HERC2: variants seen among roughly 807,000 people sequenced by gnomAD.
The protein encoded by HERC2 is E3 ubiquitin-protein ligase HERC2.
HERC2 carries 102 observed loss-of-function variants against 537.7 expected under a neutral mutation model. The observed-to-expected ratio is 0.19, with a 90% CI of 0.16 to 0.22. The LOEUF (loss-of-function observed/expected upper bound fraction) is 0.22. Ranked by LOEUF, HERC2 falls within the 10% of genes least tolerant of loss-of-function variation. HERC2 has a pLI of 1.00. For synonymous variants in HERC2, 2,224 were observed against 2,466.2 expected (o/e 0.90, Z 2.91); for missense variants, 4,236 against 6,198.2 (o/e 0.68, Z 10.63).
chr15:28,124,091 G>A lies in HERC2; in HGVS notation c.13134C>T (p.Leu4378=), dbSNP rs562699983. 22 of 1,608,854 alleles carry A rather than the reference G, an allele frequency of 1.4e-5. No homozygotes were observed. Among genetic ancestry groups the A allele is most frequent in the African/African-American group, 5.3e-5 (4 of 74,796 alleles). The change falls in exon 85 of 93, where the codon CTC becomes CTT. Residue 4378 remains leucine (L), a synonymous_variant. Transcript: ENST00000261609. ...DLEGSLDETG[L]GPSVGFDTLR... ...GAGTGTCGAACCCAACAGAAGGCCCGAGTCCAGTTTCGTCGAGCGAGCCTT... is the reference window on the plus strand; with the variant it reads ...GAGTGTCGAACCCAACAGAAGGCCCAAGTCCAGTTTCGTCGAGCGAGCCTT...
chr15:28,128,738 T>G (rs578127101), intron 83 of HERC2, among the ~76,000 whole-genome samples: 1 of 152,346 alleles, frequency 6.6e-6, no homozygotes, highest in African/African-American at 2.4e-5. Flanking sequence ...CCTTTCGCTC[T>G]GCAGGTGAGA....
In HERC2 at chr15:28,113,395, T is replaced by G. The variant is rs1482907921; in HGVS notation, c.14020-112A>C. ...GGCCTGTTTGGGGTGGGGAAAGGTC[T>G]GGGGGCTCTGGGTGGGCCCACACAC... On this transcript the variant is annotated intron_variant, in intron 91 of 92. Transcript: ENST00000261609. The surrounding 1 kb of genome is among the most constrained non-coding windows in gnomAD (Gnocchi z 7.0). The G allele has an allele frequency of 2.9e-5, 36 of 1,231,036 alleles. No homozygotes were observed. In the Admixed American group the frequency reaches 7.1e-4, roughly 24 times the overall value. The allele number at this position is 1,231,036 out of a possible 1,614,324, so 76.3% of individuals were successfully genotyped here.
At chr15:28,296,404 C>A (rs1260603160) in intron 3 of HERC2, among the ~76,000 whole-genome samples, 1 of 152,038 alleles carries the variant, frequency 6.6e-6, no homozygotes, top group Non-Finnish European at 1.5e-5. Flanking sequence ...ACCGGGGAGG[C>A]AGTGGTTGCA....
chr15:28,124,960 A>G (rs572595931), intron 84 of HERC2, 46 bp downstream of exon 84: 9 of 1,542,438 alleles, frequency 5.8e-6, no homozygotes, highest in African/African-American at 5.4e-5. Context: ...ATGTGACAGG[A>G]GCACACTTTG....
intron 83 of HERC2, among the ~76,000 whole-genome samples, chr15:28,125,744 G>A (rs577308589): frequency 5.8e-4 from 88 of 151,966 alleles, no homozygotes; most frequent in African/African-American, 8.7e-4. Flanking sequence ...GCATGATCAC[G>A]GTTCACTGCA....
At chr15:28,116,229 T>A (rs897147922) in intron 88 of HERC2, among the ~76,000 whole-genome samples, 1 of 150,688 alleles carries the variant, frequency 6.6e-6, no homozygotes. Flanking sequence ...TTTCTTTTTT[T>A]TTTTTTTTTT....
chr15:28,170,180 T>C (rs1182749595), intron 65 of HERC2, among the ~76,000 whole-genome samples: 1 of 152,198 alleles, frequency 6.6e-6, no homozygotes, highest in Non-Finnish European at 1.5e-5. Context: ...CAGCAAGAGT[T>C]TTTGTCAACA....
At chr15:28,238,061 C>A in intron 25 of HERC2, 53 bp downstream of exon 25, 1 of 1,006,270 alleles carries the variant, frequency 9.9e-7, no homozygotes. Flanking sequence ...ATCACAAACA[C>A]ACAGAGGGTA....
intron 72 of HERC2, 63 bp from the exon 73 acceptor site, chr15:28,144,298 C>A: frequency 1.3e-6 from 2 of 1,559,158 alleles, no homozygotes; most frequent in Non-Finnish European, 1.7e-6. Context: ...CATAAGAAGC[C>A]GCCAACGAAC....
Position 28,167,840 on chromosome 15 carries a change from T to C in HERC2, c.10414-13A>G, listed in dbSNP as rs373416507. Reference sequence around the variant, plus strand: ...CAGAGGAAACAATCTAGTCCAAGAGTGCACAGTAGGGGAAGTTTAAGTGGA... The same window carrying C: ...CAGAGGAAACAATCTAGTCCAAGAGCGCACAGTAGGGGAAGTTTAAGTGGA... On this transcript the variant is annotated splice_polypyrimidine_tract_variant and intron_variant, in intron 67 of 92. Coordinates refer to ENST00000261609, the MANE Select transcript of HERC2 (RefSeq NM_004667.6). The C allele has an allele frequency of 3.1e-6, 5 of 1,596,612 alleles. No individual in the cohort carries two copies. The highest frequency in any genetic ancestry group is 1.7e-4 in the Middle Eastern group (1 of 5,984).
chr15:28,213,882 G>C lies in HERC2; in HGVS notation c.6646C>G (p.Arg2216Gly), dbSNP rs771095456. The change falls in exon 42 of 93, where the codon CGC becomes GGC. Residue 2216 changes from arginine (R) to glycine (G), a missense_variant. By Grantham distance (125) the Arg-to-Gly change is moderately radical. This residue lies in a region of HERC2 where 365 missense variants were observed against 468.8 expected (regional missense o/e 0.78). Coordinates refer to ENST00000261609, the MANE Select transcript of HERC2 (RefSeq NM_004667.6). ...ATAACTTGACCGCCCAGGCGCAGGC[G>C]ACCATCGATGCCTCCAATCACAGCC... is the stretch of plus-strand genomic sequence containing the variant. ...VLAVIGGIDG[R>G]LRLGGQVMHD... is the part of the protein sequence containing the mutation. 6.2e-7 allele frequency: 1 copy of C among 1,613,852 alleles called. No individual in the cohort carries two copies. Among genetic ancestry groups the C allele is most frequent in the African/African-American group, 1.3e-5 (1 of 74,872 alleles).
At chr15:28,131,075 C>A (rs892096858) in intron 81 of HERC2, among the ~76,000 whole-genome samples, 1 of 151,576 alleles carries the variant, frequency 6.6e-6, no homozygotes, top group Admixed American at 6.6e-5. Flanking sequence ...CTTTCCCTAT[C>A]CCACAAGCTG....
At chr15:28,278,885 A>T (rs2075950009) in intron 5 of HERC2, among the ~76,000 whole-genome samples, 1 of 152,268 alleles carries the variant, frequency 6.6e-6, no homozygotes, top group Non-Finnish European at 1.5e-5. Context: ...TTCATTTTGG[A>T]AAAGTACAAA....
chr15:28,167,091 T>C (rs1894218990), intron 68 of HERC2, among the ~76,000 whole-genome samples: 1 of 152,176 alleles, frequency 6.6e-6, no homozygotes, highest in Non-Finnish European at 1.5e-5. Flanking sequence ...ATCTTTAAGA[T>C]GCTAAAAACT....
intron 52 of HERC2, among the ~76,000 whole-genome samples, chr15:28,194,996 C>T (rs111435660): frequency 0.038 from 5,664 of 150,464 alleles, 339 homozygotes; most frequent in African/African-American, 0.13. Flanking sequence ...GTGTCAGTTA[C>T]AGTGAGCCAG....
At chr15:28,227,473 AAAAAAAAAACAC>A (rs1901324573) in intron 35 of HERC2, among the ~76,000 whole-genome samples, 1 of 151,850 alleles carries the variant, frequency 6.6e-6, no homozygotes, top group East Asian at 1.9e-4. Context: ...AAAAAGAAAA[AAAAAAAAAACAC>A]AAAAAATAGT....
intron 3 of HERC2, among the ~76,000 whole-genome samples, chr15:28,297,774 C>T (rs1156244110): frequency 6.6e-6 from 1 of 151,774 alleles, no homozygotes; most frequent in African/African-American, 2.4e-5. Flanking sequence ...ACATGGGTTA[C>T]ATTTGTCAAA....
rs758030156 is a variant in HERC2, at chr15:28,275,014, G to A, written c.543-9C>T. ...TGCCCGCAGGCCGGGAACTGCAGAC[G>A]ACACACACGGAACATACAACCAGTC... On this transcript the variant is annotated splice_polypyrimidine_tract_variant and intron_variant, in intron 5 of 92. Coordinates refer to ENST00000261609, the MANE Select transcript of HERC2 (RefSeq NM_004667.6). 2.5e-6 allele frequency: 4 copies of A among 1,575,430 alleles called. No individual in the cohort carries two copies. Among genetic ancestry groups the A allele is most frequent in the South Asian group, 2.2e-5 (2 of 90,504 alleles).
chr15:28,251,538 C>T (rs538939151), intron 20 of HERC2, among the ~76,000 whole-genome samples: 4 of 151,616 alleles, frequency 2.6e-5, no homozygotes, highest in Non-Finnish European at 4.4e-5. Context: ...CGGTGGCTCA[C>T]GCCTGCAATC....
Sources: gnomAD v4.1 joint callset for allele counts (sites outside exome capture counted in the v4.1 genomes callset) on GRCh38, gnomAD v4.1.1 for gene constraint, gnomAD v4.1.1 regional missense constraint, Gnocchi (gnomAD v3.1) non-coding constraint, MANE v1.5 for transcripts, NCBI Gene and HGNC (gene_info 2026-07-23, HGNC 2026-07-21) for gene names.